The following PAAF1 variants were observed in gnomAD, a reference collection of about 807,000 sequenced individuals.
PAAF1 encodes proteasomal ATPase associated factor 1.
In PAAF1, 46 loss-of-function variants were observed where a neutral mutation model predicts 52.8. The ratio of observed to expected loss-of-function variants is 0.87; its 90% CI spans 0.69 to 1.11. The LOEUF (loss-of-function observed/expected upper bound fraction) is 1.11, where lower values mean the gene tolerates loss of function less well. Among genes scored for constraint, PAAF1 ranks in the 50% most tolerant of loss-of-function variants. The pLI is 0.00. For synonymous variants in PAAF1, 178 were observed against 172.8 expected (o/e 1.03, Z -0.24); for missense variants, 424 against 477.4 (o/e 0.89, Z 1.04).
At chr11:73,918,285 A>C (rs1045204410) in intron 9 of PAAF1, among the ~76,000 whole-genome samples, 2 of 150,082 alleles carry the variant, frequency 1.3e-5, no homozygotes, top group Non-Finnish European at 3.0e-5. Context: ...TTATTCCAAG[A>C]GTAGGGAATA....
chr11:73,912,224 A>T (rs1048423469), intron 7 of PAAF1, among the ~76,000 whole-genome samples: 1 of 152,172 alleles, frequency 6.6e-6, no homozygotes, highest in Non-Finnish European at 1.5e-5. Flanking sequence ...TCTGTTCTAT[A>T]GCTATCATTC....
chr11:73,878,775 G>T lies in PAAF1; in HGVS notation c.48-4G>T. The T allele has an allele frequency of 6.2e-7, 1 of 1,612,828 alleles. No homozygotes were observed. Among genetic ancestry groups the T allele is most frequent in the African/African-American group, 1.3e-5 (1 of 74,948 alleles). On this transcript the variant is annotated splice_polypyrimidine_tract_variant and splice_region_variant and intron_variant, in intron 1 of 11. Coordinates refer to ENST00000310571, the MANE Select transcript of PAAF1 (RefSeq NM_025155.3). ...CCTAATTAGGCTTTTGTCTTTCTTCGTAGGAAGGATGAAGGGGAGGCCTGG... is the reference window on the plus strand; with the variant it reads ...CCTAATTAGGCTTTTGTCTTTCTTCTTAGGAAGGATGAAGGGGAGGCCTGG...
Position 73,880,392 on chromosome 11 carries a change from A to C in PAAF1, c.88+1573A>C, listed in dbSNP as rs145053449. 5.3e-5 allele frequency: 8 copies of C among 151,678 alleles called. No individual in the cohort carries two copies. The East Asian group carries it at 1.6e-3, about 29-fold the overall frequency. 9.4% of individuals were successfully genotyped at this position (151,678 alleles called of 1,614,324 possible). A position where few individuals can be genotyped will look rare whatever the true frequency, so the allele number is the denominator to read the frequency against. On this transcript the variant is annotated intron_variant, in intron 2 of 11. Transcript: ENST00000310571. ...TATTTTACCTATTTTATTGTGCTTA[A>C]TTATGTTCAAAAATCCTATTCTAAC...
chr11:73,908,339 GTATATA>G, intron 6 of PAAF1, among the ~76,000 whole-genome samples: 1 of 111,336 alleles, frequency 9.0e-6, no homozygotes, highest in African/African-American at 3.2e-5. Context: ...ATATATATGT[GTATATA>G]TGTGTATATA....
At chr11:73,912,473 A>G (rs1320929339) in intron 7 of PAAF1, among the ~76,000 whole-genome samples, 1 of 151,766 alleles carries the variant, frequency 6.6e-6, no homozygotes, top group Non-Finnish European at 1.5e-5. Flanking sequence ...AAAGTCTATC[A>G]TCTCTAACTT....
chr11:73,896,658 C>A (rs2135160980), intron 4 of PAAF1, among the ~76,000 whole-genome samples: 1 of 152,314 alleles, frequency 6.6e-6, no homozygotes, highest in East Asian at 1.9e-4. Flanking sequence ...AAGAATTTTT[C>A]TTAGTACGGA....
At chr11:73,913,294 T>C (rs1356147814) in intron 7 of PAAF1, among the ~76,000 whole-genome samples, 1 of 152,208 alleles carries the variant, frequency 6.6e-6, no homozygotes, top group Non-Finnish European at 1.5e-5. Flanking sequence ...CCACAGAGGC[T>C]TTTTAAAGTT....
chr11:73,915,368 G>A (rs61901166), intron 8 of PAAF1, among the ~76,000 whole-genome samples: 301 of 152,268 alleles, frequency 2.0e-3, no homozygotes, highest in Non-Finnish European at 3.3e-3. Context: ...CTTTCTGGGA[G>A]GCCCAGAAAG....
In PAAF1 at chr11:73,899,155, C is replaced by T; in HGVS notation, c.292C>T (p.Leu98=). 3.7e-6 allele frequency: 6 copies of T among 1,613,440 alleles called. No homozygotes were observed. The highest frequency in any genetic ancestry group is 5.1e-6 in the Non-Finnish European group (6 of 1,179,462). ...TTTTCTCTTTGAACAGATAACATGC[C>T]TGGACATTTCCAGCAGAGGAGGTCT... ...SRIHTKSITC[L]DISSRGGLGV... Residue 98 remains leucine, a synonymous_variant, in exon 5 of 12, where the codon CTG becomes TTG. Coordinates refer to ENST00000310571, the MANE Select transcript of PAAF1 (RefSeq NM_025155.3).
intron 6 of PAAF1, among the ~76,000 whole-genome samples, chr11:73,906,475 T>C (rs1007090229): frequency 2.0e-5 from 3 of 152,186 alleles, no homozygotes; most frequent in African/African-American, 7.2e-5. Context: ...GGTCTTGAAC[T>C]CCTGGCCTCG....
intron 10 of PAAF1, among the ~76,000 whole-genome samples, chr11:73,921,079 C>T (rs1950204504): frequency 6.6e-6 from 1 of 151,972 alleles, no homozygotes; most frequent in South Asian, 2.1e-4. Flanking sequence ...GCGGGTGGAT[C>T]AGCTGAGGTC....
At chr11:73,883,902 C>T (rs896032408) in intron 2 of PAAF1, among the ~76,000 whole-genome samples, 1 of 152,034 alleles carries the variant, frequency 6.6e-6, no homozygotes, top group East Asian at 1.9e-4. Context: ...TTTGTTTATC[C>T]ATTCATCAAT....
chr11:73,911,622 C>CTTTT (rs781166373), intron 7 of PAAF1, among the ~76,000 whole-genome samples: 3 of 120,504 alleles, frequency 2.5e-5, no homozygotes, highest in South Asian at 2.9e-4. Flanking sequence ...AGTGACCTTC[C>CTTTT]TTTTTTTTTT....
At chr11:73,889,168 T>G (rs1294024693) in intron 3 of PAAF1, 6 of 1,528,356 alleles carry the variant, frequency 3.9e-6, no homozygotes, top group Non-Finnish European at 4.4e-6. Flanking sequence ...CCCTTCATAC[T>G]CAGACCTGGA....
chr11:73,880,345 A>G (rs184092736), intron 2 of PAAF1: 1 of 152,054 alleles, frequency 6.6e-6, no homozygotes. Context: ...TAACATAAAA[A>G]TTCAAGGAAA....
intron 6 of PAAF1, among the ~76,000 whole-genome samples, chr11:73,908,401 G>GTATATATATATGTGTGTATATATATGTA (rs1255758859): frequency 1.4e-5 from 2 of 146,556 alleles, no homozygotes; most frequent in African/African-American, 5.1e-5. Flanking sequence ...ATATATATGT[G>GTATATATATATGTGTGTATATATATGTA]TATATATATG....
chr11:73,910,819 T>C (rs1949908373), intron 7 of PAAF1, among the ~76,000 whole-genome samples: 1 of 151,790 alleles, frequency 6.6e-6, no homozygotes, highest in Non-Finnish European at 1.5e-5. Context: ...TGAAACCCCA[T>C]CTCTACTAAA....
At chr11:73,882,690 C>T (rs1236494247) in intron 2 of PAAF1, among the ~76,000 whole-genome samples, 1 of 151,946 alleles carries the variant, frequency 6.6e-6, no homozygotes, top group Non-Finnish European at 1.5e-5. Flanking sequence ...GCAAGCTCCG[C>T]CTTCCAGGTT....
chr11:73,905,923 C>A (rs1006889843), intron 6 of PAAF1, among the ~76,000 whole-genome samples: 1 of 152,088 alleles, frequency 6.6e-6, no homozygotes, highest in Non-Finnish European at 1.5e-5. Context: ...ATAAGGAGAT[C>A]TTTGATTGCT....
Sources: gnomAD v4.1 joint callset for allele counts (sites outside exome capture counted in the v4.1 genomes callset) on GRCh38, gnomAD v4.1.1 for gene constraint, MANE v1.5 for transcripts, NCBI Gene and HGNC (gene_info 2026-07-23, HGNC 2026-07-21) for gene names.